The following SMR3A variants were observed in gnomAD, a reference collection of about 807,000 sequenced individuals.
SMR3A encodes the protein submaxillary gland androgen regulated protein 3A, also known as submaxillary gland androgen-regulated protein 3A.
For synonymous variants in SMR3A, 48 were observed against 57.4 expected (o/e 0.84, Z 0.74); for missense variants, 188 against 163.0 (o/e 1.15, Z -0.84).
chr4:70,364,605 T>C (rs1732221534), intron 2 of SMR3A, among the ~76,000 whole-genome samples: 1 of 151,984 alleles, frequency 6.6e-6, no homozygotes, highest in Admixed American at 6.6e-5. Context: ...CATGGTTGTG[T>C]GGCCAGTAAA....
intron 2 of SMR3A, among the ~76,000 whole-genome samples, 164 bp from the exon 3 acceptor site, chr4:70,366,480 C>A (rs1283633804): frequency 6.6e-6 from 1 of 152,036 alleles, no homozygotes; most frequent in Non-Finnish European, 1.5e-5. Flanking sequence ...CATTGTAGAA[C>A]CTGTTTTAAA....
At chr4:70,362,465 T>C (rs147347569) in intron 2 of SMR3A, among the ~76,000 whole-genome samples, 29 of 151,934 alleles carry the variant, frequency 1.9e-4, no homozygotes, top group Admixed American at 1.4e-3. Flanking sequence ...GGTAAAACTC[T>C]ATAAAATGAG....
At position 70,366,531 on chromosome 4, in the gene SMR3A, G is replaced by A. The variant is rs753581826; in HGVS notation, c.55-113G>A. The A allele has an allele frequency of 1.4e-3, 1,407 of 983,068 alleles. 13 individuals are homozygous for A. Among genetic ancestry groups the A allele is most frequent in the Middle Eastern group, 1.6e-3 (6 of 3,722 alleles). The allele number at this position is 983,068 out of a possible 1,614,324, so 60.9% of individuals were successfully genotyped here. On this transcript the variant is annotated intron_variant, in intron 2 of 2. Transcript: ENST00000226460. ...AGGTCAGGCCAGCATGTGCCAGCAG[G>A]GAGTAGAAATCTTGAGGCCATCTCA...
At chr4:70,363,745 T>C (rs1301567105) in intron 2 of SMR3A, among the ~76,000 whole-genome samples, 1 of 152,034 alleles carries the variant, frequency 6.6e-6, no homozygotes, top group Non-Finnish European at 1.5e-5. Flanking sequence ...TTACATAATA[T>C]TTAGATCAAC....
intron 2 of SMR3A, among the ~76,000 whole-genome samples, chr4:70,363,780 A>G (rs1732199176): frequency 6.6e-6 from 1 of 152,052 alleles, no homozygotes; most frequent in Non-Finnish European, 1.5e-5. Context: ...AGGAAAAGGT[A>G]CTTTCAGCTA....
In SMR3A at chr4:70,366,729, C is replaced by T; in HGVS notation, c.140C>T (p.Thr47Ile). The T allele has an allele frequency of 6.2e-7, 1 of 1,613,448 alleles. No homozygotes were observed. Residue 47 changes from threonine to isoleucine, a missense_variant, in exon 3 of 3, where the codon ACA (threonine) becomes ATA (isoleucine). Coordinates refer to ENST00000226460, the MANE Select transcript of SMR3A (RefSeq NM_012390.4). ...CCTCCACCATGTTTTCCTTTTGGAA[C>T]AGGATTTGTTCCACCACCCCATCCT... ...PPPPPCFPFGTGFVPPPHPPP... is the reference protein window; with the variant it reads ...PPPPPCFPFGIGFVPPPHPPP...
Position 70,366,838 on chromosome 4 carries a change from C to T in SMR3A, c.249C>T (p.Pro83=), listed in dbSNP as rs1410993280. 5 of 1,613,498 alleles carry T rather than the reference C, an allele frequency of 3.1e-6. No individual in the cohort carries two copies. Among genetic ancestry groups the T allele is most frequent in the Non-Finnish European group, 4.2e-6 (5 of 1,179,806 alleles). The change falls in exon 3 of 3, where the codon CCC becomes CCT. Residue 83 remains proline (P), a synonymous_variant. Coordinates refer to ENST00000226460, the MANE Select transcript of SMR3A (RefSeq NM_012390.4). ...PGRIPPSPPP[P]YGPGRIQSHS... Reference sequence around the variant, plus strand: ...GAATCCCACCATCCCCTCCTCCACCCTATGGTCCAGGGAGAATTCAATCAC... The same window carrying T: ...GAATCCCACCATCCCCTCCTCCACCTTATGGTCCAGGGAGAATTCAATCAC...
At position 70,362,150 on chromosome 4, in the gene SMR3A, C is replaced by A. The variant is rs372541865; in HGVS notation, c.35C>A (p.Ala12Asp). The A allele has an allele frequency of 3.1e-6, 5 of 1,611,770 alleles. No homozygotes were observed. The highest frequency in any genetic ancestry group is 1.3e-5 in the African/African-American group (1 of 74,802). Reference protein sequence around the residue: ...KSLTWILGLWALAACFTPGES... With the variant: ...KSLTWILGLWDLAACFTPGES... Reference sequence around the variant, plus strand: ...CTGACTTGGATCTTGGGCCTTTGGGCTCTTGCAGCGTGTTTCACAGTAAGT... The same window carrying A: ...CTGACTTGGATCTTGGGCCTTTGGGATCTTGCAGCGTGTTTCACAGTAAGT... Residue 12 changes from alanine (A) to aspartate (D), a missense_variant, in exon 2 of 3, where the codon GCT becomes GAT. Ala to Asp is a moderately radical substitution (Grantham distance 126). Coordinates refer to ENST00000226460, the MANE Select transcript of SMR3A (RefSeq NM_012390.4).
intron 2 of SMR3A, among the ~76,000 whole-genome samples, chr4:70,363,425 A>T (rs2109751188): frequency 6.6e-6 from 1 of 151,984 alleles, no homozygotes; most frequent in East Asian, 1.9e-4. Flanking sequence ...GTTATAGGTA[A>T]TTTTCCAAAT....
intron 2 of SMR3A, among the ~76,000 whole-genome samples, chr4:70,364,446 TTGAACATAAA>T (rs1258374745): frequency 6.6e-6 from 1 of 151,794 alleles, no homozygotes; most frequent in South Asian, 2.1e-4. Context: ...AAAAATTGAG[TTGAACATAAA>T]TGATAGTGTT....
At chr4:70,363,485 T>A (rs1319356019) in intron 2 of SMR3A, among the ~76,000 whole-genome samples, 1 of 152,048 alleles carries the variant, frequency 6.6e-6, no homozygotes, top group Non-Finnish European at 1.5e-5. Flanking sequence ...GTCTCACTAT[T>A]TTTAATCTCA....
chr4:70,364,621 GA>G (rs964154146), intron 2 of SMR3A, among the ~76,000 whole-genome samples: 1 of 151,936 alleles, frequency 6.6e-6, no homozygotes, highest in African/African-American at 2.4e-5. Context: ...GTAAATCAGG[GA>G]AGTTCGTTTC....
intron 2 of SMR3A, among the ~76,000 whole-genome samples, chr4:70,364,138 C>A (rs988419725): frequency 6.6e-6 from 1 of 152,018 alleles, no homozygotes; most frequent in Non-Finnish European, 1.5e-5. Context: ...TAGAGCTTTG[C>A]TTTGCAGGAA....
rs1461907887 is a variant in SMR3A, at chr4:70,366,674, C to A, written c.85C>A (p.Pro29Thr). ...TGAGAGTCAAAGAGGCCCCAGGGGA[C>A]CATATCCACCTGGACCACTGGCTCC... is the stretch of plus-strand genomic sequence containing the variant. Reference protein sequence around the residue: ...PGESQRGPRGPYPPGPLAPPP... With the variant: ...PGESQRGPRGTYPPGPLAPPP... Residue 29 changes from proline (P) to threonine (T), a missense_variant, in exon 3 of 3, where the codon CCA becomes ACA. Physicochemically the swap from Pro to Thr is conservative, Grantham distance 38. Coordinates refer to ENST00000226460, the MANE Select transcript of SMR3A (RefSeq NM_012390.4). 1 of 1,612,174 alleles carries A rather than the reference C, an allele frequency of 6.2e-7. No homozygotes were observed. The highest frequency in any genetic ancestry group is 8.5e-7 in the Non-Finnish European group (1 of 1,178,946).
At chr4:70,362,206 T>C (rs1244525725) in intron 2 of SMR3A, 37 bp downstream of exon 2, 7 of 1,609,594 alleles carry the variant, frequency 4.3e-6, no homozygotes, top group Admixed American at 3.4e-5. Flanking sequence ...ATCTTTATAC[T>C]TTCTCATTAA....
chr4:70,367,013 G>C lies in SMR3A; in HGVS notation c.*19G>C. On this transcript the variant is annotated 3_prime_UTR_variant, in exon 3 of 3. Coordinates refer to ENST00000226460, the MANE Select transcript of SMR3A (RefSeq NM_012390.4). ...ACCCTAAATACAGACAACTGCAACA[G>C]GTGCCACCACCCACAAAAGACAACA... 6.2e-7 allele frequency: 1 copy of C among 1,603,982 alleles called. No homozygotes were observed. The highest frequency in any genetic ancestry group is 1.1e-5 in the South Asian group (1 of 90,690).
chr4:70,362,513 C>G (rs1301333584), intron 2 of SMR3A, among the ~76,000 whole-genome samples: 1 of 151,646 alleles, frequency 6.6e-6, no homozygotes, highest in Non-Finnish European at 1.5e-5. Flanking sequence ...ATGGAGTCAC[C>G]TAACTCACTT....
intron 1 of SMR3A, among the ~76,000 whole-genome samples, chr4:70,361,883 T>A (rs1360022498): frequency 6.6e-6 from 1 of 151,888 alleles, no homozygotes; most frequent in African/African-American, 2.4e-5. Context: ...AGTTTACAAG[T>A]CAAAAATAAA....
chr4:70,362,256 T>C, intron 2 of SMR3A, 87 bp downstream of exon 2: 12 of 1,588,556 alleles, frequency 7.6e-6, no homozygotes, highest in Non-Finnish European at 1.0e-5. Flanking sequence ...TGATGTTACC[T>C]TTTCTTATAT....
Sources: gnomAD v4.1 joint callset for allele counts (sites outside exome capture counted in the v4.1 genomes callset) on GRCh38, gnomAD v4.1.1 for gene constraint, MANE v1.5 for transcripts, NCBI Gene and HGNC (gene_info 2026-07-23, HGNC 2026-07-21) for gene names.